The following PVALEF variants were observed in gnomAD, a reference collection of about 807,000 sequenced individuals.
The protein encoded by PVALEF is parvalbumin-like EF-hand-containing protein.
PVALEF carries 2 observed loss-of-function variants against 1.2 expected under a neutral mutation model. That is an observed-to-expected ratio of 1.68 (90% CI 0.69 to 5.28). PVALEF has a LOEUF of 5.28. Among genes scored for constraint, PVALEF ranks in the 30% most tolerant of loss-of-function variants. The pLI, the probability that PVALEF is intolerant of heterozygous loss-of-function variation, is 0.06. For missense variants in PVALEF, 35 were observed against 17.7 expected (o/e 1.97, Z -1.75); for synonymous variants, 16 against 6.5 (o/e 2.47, Z -2.24).
intron 1 of PVALEF, 94 bp downstream of exon 1, chr17:81,165,841 T>G (rs1363684182): frequency 1.3e-6 from 2 of 1,523,116 alleles, no homozygotes; most frequent in Admixed American, 2.1e-5. Context: ...GGGGAAAGGG[T>G]TAATTTCCAT....
intron 2 of PVALEF, among the ~76,000 whole-genome samples, chr17:81,178,705 A>G (rs1047542754): frequency 6.6e-6 from 1 of 151,378 alleles, no homozygotes; most frequent in African/African-American, 2.4e-5. Context: ...CCCAGCCTCA[A>G]TCTCCCTGCA....
At chr17:81,175,480 C>T (rs192515103) in intron 2 of PVALEF, among the ~76,000 whole-genome samples, 1 of 152,272 alleles carries the variant, frequency 6.6e-6, no homozygotes, top group Non-Finnish European at 1.5e-5. Flanking sequence ...ATATCCAAAA[C>T]AATCTTGAAA....
chr17:81,165,760 GC>G lies in PVALEF; in HGVS notation c.-508+16del. ...CAGGCGGAGGCCGGTTTGTGCTGGG[GC>G]CCAGGGCCTGCCCCTCCGAGATCTG... is the stretch of plus-strand genomic sequence containing the variant. On this transcript the variant is annotated intron_variant, in intron 1 of 6. Coordinates refer to ENST00000637878, the MANE Select transcript of PVALEF (RefSeq NM_001354639.2). 1 of 1,519,934 alleles carries G rather than the reference GC, an allele frequency of 6.6e-7. No homozygotes were observed. Among genetic ancestry groups the G allele is most frequent in the South Asian group, 1.2e-5 (1 of 82,620 alleles). 94.2% of individuals were successfully genotyped at this position (1,519,934 alleles called of 1,614,324 possible).
intron 3 of PVALEF, among the ~76,000 whole-genome samples, chr17:81,179,395 G>C (rs1352959424): frequency 6.6e-6 from 1 of 152,002 alleles, no homozygotes. Flanking sequence ...GCCTGGTCCT[G>C]CGGGGAGCAC....
At chr17:81,181,753 C>T in intron 5 of PVALEF, 59 bp downstream of exon 5, 1 of 398,874 alleles carries the variant, frequency 2.5e-6, no homozygotes, top group East Asian at 3.6e-5. Context: ...CGCCGAATGC[C>T]CACATGGCGG....
intron 1 of PVALEF, among the ~76,000 whole-genome samples, chr17:81,166,395 A>AGGAGGGG (rs1472959746): frequency 1.9e-5 from 1 of 53,560 alleles, no homozygotes; most frequent in African/African-American, 7.8e-5. Context: ...GGAGGCATGG[A>AGGAGGGG]GGAGGGGGGA....
intron 2 of PVALEF, among the ~76,000 whole-genome samples, chr17:81,174,716 A>G (rs1426218297): frequency 6.6e-6 from 1 of 152,100 alleles, no homozygotes; most frequent in Admixed American, 6.5e-5. Context: ...TTGGGAGGCC[A>G]AGGCGGGTGG....
chr17:81,167,214 G>C (rs1598244504), intron 2 of PVALEF, among the ~76,000 whole-genome samples: 1 of 152,214 alleles, frequency 6.6e-6, no homozygotes. Flanking sequence ...GATCACTTGA[G>C]CCTGGGAGTT....
At chr17:81,172,424 A>G (rs1021142697) in intron 2 of PVALEF, among the ~76,000 whole-genome samples, 3 of 152,190 alleles carry the variant, frequency 2.0e-5, no homozygotes, top group African/African-American at 7.2e-5. Context: ...CTGCAACATT[A>G]TATCTAATGA....
At position 81,167,561 on chromosome 17, in the gene PVALEF, G is replaced by A. The variant is rs74423753; in HGVS notation, c.-340+717G>A. On this transcript the variant is annotated intron_variant, in intron 2 of 6. Transcript: ENST00000637878. ...GACCAGGACAGGATGCTTGGGCCACGGGGCAGATGGGCACCAGGACCCACC... is the reference window on the plus strand; with the variant it reads ...GACCAGGACAGGATGCTTGGGCCACAGGGCAGATGGGCACCAGGACCCACC... Among the ~76,000 whole-genome samples the A allele has an allele frequency of 3.2e-3, 484 of 152,314 alleles. 5 individuals are homozygous for A. Among genetic ancestry groups the A allele is most frequent in the African/African-American group, 0.011 (456 of 41,580 alleles).
At chr17:81,175,337 TTAA>T (rs766808277) in intron 2 of PVALEF, among the ~76,000 whole-genome samples, 1 of 152,130 alleles carries the variant, frequency 6.6e-6, no homozygotes, top group Non-Finnish European at 1.5e-5. Flanking sequence ...ATTGAAAGAC[TTAA>T]TAGTGTTAAG....
At chr17:81,171,183 T>A (rs2061519268) in intron 2 of PVALEF, among the ~76,000 whole-genome samples, 1 of 152,084 alleles carries the variant, frequency 6.6e-6, no homozygotes. Flanking sequence ...TAGCCCATAG[T>A]CGGGGCCAGT....
chr17:81,181,840 A>C, intron 5 of PVALEF, 126 bp from the exon 6 acceptor site: 1 of 397,922 alleles, frequency 2.5e-6, no homozygotes, highest in Non-Finnish European at 4.4e-6. Flanking sequence ...GAAGCCCAGG[A>C]GGCTCAGAGG....
At chr17:81,182,291 A>G (rs1224774873) in intron 6 of PVALEF, among the ~76,000 whole-genome samples, 1 of 152,202 alleles carries the variant, frequency 6.6e-6, no homozygotes, top group Non-Finnish European at 1.5e-5. Flanking sequence ...GGGAAGGCCA[A>G]CTGTGGCAGA....
At chr17:81,167,392 A>C (rs2061501362) in intron 2 of PVALEF, among the ~76,000 whole-genome samples, 1 of 152,238 alleles carries the variant, frequency 6.6e-6, no homozygotes, top group African/African-American at 2.4e-5. Flanking sequence ...TCACTCACTC[A>C]TTCTGGGACC....
intron 2 of PVALEF, among the ~76,000 whole-genome samples, chr17:81,168,781 G>C (rs994378499): frequency 2.0e-5 from 3 of 152,190 alleles, no homozygotes; most frequent in Non-Finnish European, 4.4e-5. Context: ...AGGGGGCAGG[G>C]GCAGGAGAGA....
chr17:81,179,359 C>A (rs905994469), intron 3 of PVALEF, among the ~76,000 whole-genome samples: 68 of 152,204 alleles, frequency 4.5e-4, no homozygotes, highest in African/African-American at 1.6e-3. Flanking sequence ...CCCAAGGGGG[C>A]CCCCGGATGG....
At chr17:81,182,457 T>C (rs898850243) in intron 6 of PVALEF, among the ~76,000 whole-genome samples, 1 of 152,126 alleles carries the variant, frequency 6.6e-6, no homozygotes, top group Admixed American at 6.5e-5. Flanking sequence ...GCACACAAGG[T>C]GGGCTGGGCC....
chr17:81,173,172 C>T (rs1236753707), intron 2 of PVALEF, among the ~76,000 whole-genome samples: 2 of 152,142 alleles, frequency 1.3e-5, no homozygotes, highest in African/African-American at 4.8e-5. Context: ...CTCGCAGAAG[C>T]CACCTGCCTC....
Sources: gnomAD v4.1 joint callset for allele counts (sites outside exome capture counted in the v4.1 genomes callset) on GRCh38, gnomAD v4.1.1 for gene constraint, MANE v1.5 for transcripts, NCBI Gene and HGNC (gene_info 2026-07-23, HGNC 2026-07-21) for gene names.